The following TBCK variants were observed in gnomAD, a reference collection of about 807,000 sequenced individuals.
The protein encoded by TBCK is TBC domain-containing protein kinase-like protein.
TBCK carries 99 observed loss-of-function variants against 113.4 expected under a neutral mutation model. The observed-to-expected ratio is 0.87, with a 90% CI of 0.74 to 1.03. TBCK has a LOEUF of 1.03. Ranked by LOEUF, TBCK falls within the 50% of genes least tolerant of loss-of-function variation. The pLI is 0.00. For missense variants in TBCK, 1,045 were observed against 1,061.3 expected, an observed-to-expected ratio of 0.98 and a Z score of 0.21; for synonymous variants, 369 against 370.8, an observed-to-expected ratio of 1.00 and a Z score of 0.05.
chr4:106,211,085 T>C (rs1264473372), intron 20 of TBCK, among the ~76,000 whole-genome samples: 2 of 152,158 alleles, frequency 1.3e-5, no homozygotes, highest in Non-Finnish European at 2.9e-5. Flanking sequence ...TTTCCAAACA[T>C]ACTTGTCTAC....
rs1032461198 is a variant in TBCK at position 106,299,796 on chromosome 4, G to A, written c.194-4630C>T. 2.6e-5 allele frequency among the ~76,000 whole-genome samples: 4 copies of A among 152,118 alleles called. No homozygotes were observed. In the South Asian group the frequency reaches 6.2e-4, roughly 24 times the overall value. On this transcript the variant is annotated intron_variant, in intron 2 of 25. Coordinates refer to ENST00000394708, the MANE Select transcript of TBCK (RefSeq NM_001163435.3). ...CCAAATATAAATCATCAATGTAGTAGCATTATTTATAAAAAATAATGTGAT... is the reference window on the plus strand; with the variant it reads ...CCAAATATAAATCATCAATGTAGTAACATTATTTATAAAAAATAATGTGAT...
chr4:106,289,133 A>G (rs1460114890), intron 3 of TBCK, among the ~76,000 whole-genome samples: 3 of 152,188 alleles, frequency 2.0e-5, no homozygotes, highest in Admixed American at 1.3e-4. Flanking sequence ...CCCAGTTTAG[A>G]GCTATAATGA....
intron 23 of TBCK, among the ~76,000 whole-genome samples, chr4:106,165,844 T>C (rs966582389): frequency 6.6e-6 from 1 of 151,706 alleles, no homozygotes; most frequent in African/African-American, 2.4e-5. Context: ...AGGAACAGGC[T>C]TGAAATTTGA....
chr4:106,200,205 A>C (rs1754719831), intron 20 of TBCK, among the ~76,000 whole-genome samples: 1 of 152,080 alleles, frequency 6.6e-6, no homozygotes, highest in Non-Finnish European at 1.5e-5. Context: ...ATTTATTCAT[A>C]AGTCAACTTT....
At chr4:106,087,024 A>G (rs1290409134) in intron 25 of TBCK, among the ~76,000 whole-genome samples, 1 of 152,232 alleles carries the variant, frequency 6.6e-6, no homozygotes, top group African/African-American at 2.4e-5. Context: ...AACTGGTACA[A>G]TACAAGGATG....
intron 2 of TBCK, among the ~76,000 whole-genome samples, chr4:106,296,513 T>C (rs919135435): frequency 3.3e-5 from 5 of 152,098 alleles, no homozygotes; most frequent in Non-Finnish European, 5.9e-5. Context: ...AATAGTTCAG[T>C]AATGATTGGA....
At chr4:106,098,446 A>C (rs1348512042) in intron 24 of TBCK, among the ~76,000 whole-genome samples, 1 of 152,050 alleles carries the variant, frequency 6.6e-6, no homozygotes, top group East Asian at 1.9e-4. Flanking sequence ...CTGTAATCCC[A>C]ACAATGACAT....
chr4:106,184,594 G>A (rs1752797763), intron 22 of TBCK, among the ~76,000 whole-genome samples: 1 of 151,870 alleles, frequency 6.6e-6, no homozygotes, highest in Non-Finnish European at 1.5e-5. Context: ...AGATACATGT[G>A]TTTTATATAT....
chr4:106,303,112 C>T (rs1305824758), intron 2 of TBCK, among the ~76,000 whole-genome samples: 1 of 152,142 alleles, frequency 6.6e-6, no homozygotes, highest in Non-Finnish European at 1.5e-5. Context: ...CCACTTACTC[C>T]ATTATCCAGA....
chr4:106,142,913 T>C (rs1054991216), intron 23 of TBCK, among the ~76,000 whole-genome samples: 1 of 152,164 alleles, frequency 6.6e-6, no homozygotes, highest in Non-Finnish European at 1.5e-5. Flanking sequence ...TCCTAGCAAC[T>C]GCAATGTGAA....
chr4:106,209,194 G>A (rs1755852318), intron 20 of TBCK, among the ~76,000 whole-genome samples: 3 of 152,154 alleles, frequency 2.0e-5, no homozygotes. Context: ...AAGCAATAAT[G>A]CTCCAGTAAT....
At chr4:106,177,862 A>G (rs1302634280) in intron 22 of TBCK, among the ~76,000 whole-genome samples, 3 of 151,960 alleles carry the variant, frequency 2.0e-5, no homozygotes, top group Admixed American at 6.6e-5. Flanking sequence ...AATTCTGTTA[A>G]GAGTGTCATT....
Position 106,250,415 on chromosome 4 carries a change from T to A in TBCK, c.658+3A>T, listed in dbSNP as rs771925918. ...GAAAGATAAGCAATTGTACGACACT[T>A]ACCCAAAGTAAGCAAAAATTTTAGT... On this transcript the variant is annotated splice_donor_region_variant and intron_variant, in intron 7 of 25. Coordinates refer to ENST00000394708, the MANE Select transcript of TBCK (RefSeq NM_001163435.3). 1 of 1,553,856 alleles carries A rather than the reference T, an allele frequency of 6.4e-7. No individual in the cohort carries two copies. The highest frequency in any genetic ancestry group is 8.8e-7 in the Non-Finnish European group (1 of 1,134,860).
chr4:106,066,435 C>T (rs1736646456), intron 25 of TBCK, among the ~76,000 whole-genome samples: 1 of 152,010 alleles, frequency 6.6e-6, no homozygotes, highest in South Asian at 2.1e-4. Context: ...TACTACTGAT[C>T]AGAAAGTGTA....
chr4:106,301,534 C>A (rs1427802278), intron 2 of TBCK, among the ~76,000 whole-genome samples: 1 of 152,122 alleles, frequency 6.6e-6, no homozygotes, highest in Non-Finnish European at 1.5e-5. Flanking sequence ...TTCTGAAACT[C>A]TAATAAAATG....
At chr4:106,167,065 G>C (rs1750452434) in intron 23 of TBCK, among the ~76,000 whole-genome samples, 1 of 149,396 alleles carries the variant, frequency 6.7e-6, no homozygotes, top group Non-Finnish European at 1.5e-5. Flanking sequence ...GAAAGAAAGA[G>C]ATAAACTTAT....
intron 23 of TBCK, among the ~76,000 whole-genome samples, chr4:106,116,983 A>T (rs1045012799): frequency 6.6e-6 from 1 of 151,264 alleles, no homozygotes. Flanking sequence ...TCCCCCCCCC[A>T]TCTCAAACCC....
chr4:106,157,730 T>C (rs10049933), intron 23 of TBCK, among the ~76,000 whole-genome samples: 60,786 of 151,936 alleles, frequency 0.4, 12,439 homozygotes, highest in African/African-American at 0.47. Context: ...CCTTTTTCAG[T>C]GACATGAAGT....
chr4:106,063,010 T>C (rs1056787658), intron 25 of TBCK, among the ~76,000 whole-genome samples: 1 of 151,790 alleles, frequency 6.6e-6, no homozygotes, highest in African/African-American at 2.4e-5. Context: ...TCAACAGGAG[T>C]TTTTAGTTCA....
Sources: gnomAD v4.1 joint callset for allele counts (sites outside exome capture counted in the v4.1 genomes callset) on GRCh38, gnomAD v4.1.1 for gene constraint, MANE v1.5 for transcripts, NCBI Gene and HGNC (gene_info 2026-07-23, HGNC 2026-07-21) for gene names.